Variants in MARCHF1 observed in about 807,000 individuals in gnomAD.
The protein encoded by MARCHF1 is E3 ubiquitin-protein ligase MARCHF1.
Under a neutral mutation model 54.2 loss-of-function variants are expected in MARCHF1, and 40 were observed. The observed-to-expected ratio is 0.74, with a 90% CI of 0.57 to 0.96. The LOEUF (loss-of-function observed/expected upper bound fraction) is 0.96. Ranked by LOEUF, MARCHF1 falls within the 40% of genes least tolerant of loss-of-function variation. The pLI, the probability that MARCHF1 is intolerant of heterozygous loss-of-function variation, is 0.00. For missense variants in MARCHF1, 586 were observed against 656.5 expected (o/e 0.89, Z 1.17); for synonymous variants, 236 against 236.3 (o/e 1.00, Z 0.01).
chr4:163,636,635 AG>A lies in MARCHF1; in HGVS notation c.163-23243del, dbSNP rs1200933155. ...GGAAGAACATTCCATGCTCATGGGT[AG>A]GAAGAATCAATATTGTGAAAATGGC... is the stretch of plus-strand genomic sequence containing the variant. On this transcript the variant is annotated intron_variant, in intron 5 of 9. Transcript: ENST00000514618. Among the ~76,000 whole-genome samples, 13 of 152,102 alleles carry A rather than the reference AG, an allele frequency of 8.5e-5. No homozygotes were observed. The East Asian group carries it at 2.5e-3, about 29-fold the overall frequency.
chr4:163,722,363 G>A (rs575371815), intron 4 of MARCHF1, among the ~76,000 whole-genome samples: 3,750 of 152,196 alleles, frequency 0.025, 155 homozygotes, highest in African/African-American at 0.084. Context: ...TGAATCCTGA[G>A]TTCTAGTTTG....
chr4:164,156,537 T>C (rs1424212053), intron 1 of MARCHF1, among the ~76,000 whole-genome samples: 1 of 152,122 alleles, frequency 6.6e-6, no homozygotes, highest in Admixed American at 6.6e-5. Context: ...CATCCTCCTA[T>C]CTCAGCCTCC....
At chr4:164,182,263 A>C (rs1034087911) in intron 1 of MARCHF1, among the ~76,000 whole-genome samples, 5 of 152,000 alleles carry the variant, frequency 3.3e-5, no homozygotes, top group Non-Finnish European at 7.4e-5. Flanking sequence ...AGATAGAATA[A>C]TTTAGAAAAG....
chr4:164,189,142 G>T, intron 1 of MARCHF1: 1 of 611,682 alleles, frequency 1.6e-6, no homozygotes, highest in Non-Finnish European at 3.0e-6. Context: ...TCTGCGTGCA[G>T]AAGACTATGA....
At chr4:163,813,854 G>A (rs1380079839) in intron 4 of MARCHF1, among the ~76,000 whole-genome samples, 1 of 152,122 alleles carries the variant, frequency 6.6e-6, no homozygotes, top group African/African-American at 2.4e-5. Flanking sequence ...AAGAGTCTTG[G>A]AACATGTCTG....
intron 1 of MARCHF1, among the ~76,000 whole-genome samples, chr4:164,210,022 A>AT (rs1369128734): frequency 8.5e-5 from 13 of 152,176 alleles, no homozygotes; most frequent in African/African-American, 3.1e-4. Flanking sequence ...TGTTTTCTAC[A>AT]TTTTTTATGA....
chr4:163,645,637 C>T (rs536653261), intron 5 of MARCHF1, among the ~76,000 whole-genome samples: 13 of 152,146 alleles, frequency 8.5e-5, no homozygotes, highest in Admixed American at 3.3e-4. Flanking sequence ...AAGCAATGCA[C>T]GAACACAATG....
rs1383284863 is a variant in MARCHF1, at chr4:163,526,933, A to G, written c.*1815T>C. ...GTCAGCCACTACTAATATTTATACC[A>G]TCTTTCTCCTCATTTAAAGGTTTGT... On this transcript the variant is annotated 3_prime_UTR_variant, in exon 10 of 10. Transcript: ENST00000514618. 6.6e-6 allele frequency: 1 copy of G among 151,254 alleles called. No homozygotes were observed. Among genetic ancestry groups the G allele is most frequent in the Admixed American group, 6.6e-5 (1 of 15,148 alleles). The allele number at this position is 151,254 out of a possible 1,614,324, so 9.4% of individuals were successfully genotyped here.
intron 1 of MARCHF1, among the ~76,000 whole-genome samples, chr4:164,171,787 G>A (rs917811669): frequency 2.6e-5 from 4 of 152,124 alleles, no homozygotes; most frequent in African/African-American, 9.7e-5. Flanking sequence ...AAGGCATTCA[G>A]CCTTTTAAAC....
chr4:163,562,051 C>A (rs757275027), intron 8 of MARCHF1, among the ~76,000 whole-genome samples: 1 of 152,106 alleles, frequency 6.6e-6, no homozygotes, highest in Non-Finnish European at 1.5e-5. Flanking sequence ...AATTCCAGCA[C>A]TTTGGGAGGC....
chr4:164,217,985 T>C (rs979978270), intron 1 of MARCHF1, among the ~76,000 whole-genome samples: 3 of 152,068 alleles, frequency 2.0e-5, no homozygotes, highest in Admixed American at 6.6e-5. Context: ...GGGAAGTATT[T>C]CATCATAAAG....
At chr4:164,382,794 G>A (rs144236977) in intron 1 of MARCHF1, among the ~76,000 whole-genome samples, 241 of 152,288 alleles carry the variant, frequency 1.6e-3, no homozygotes, top group African/African-American at 5.6e-3. Flanking sequence ...AGCACTTATA[G>A]GCGAGACAAC....
intron 2 of MARCHF1, among the ~76,000 whole-genome samples, chr4:164,038,471 C>A (rs147288289): frequency 6.6e-6 from 1 of 152,116 alleles, no homozygotes; most frequent in Non-Finnish European, 1.5e-5. Flanking sequence ...CCCGCCTGGG[C>A]GACAGAGCCA....
Position 163,997,954 on chromosome 4 carries a change from A to T in MARCHF1, c.-247-9245T>A, listed in dbSNP as rs940802867. Among the ~76,000 whole-genome samples the T allele has an allele frequency of 2.1e-5, 3 of 142,254 alleles. No homozygotes were observed. In the Admixed American group the frequency reaches 2.1e-4, roughly 10 times the overall value. The allele number at this position is 142,254 out of a possible 152,430, so 93.3% of individuals were successfully genotyped here. On this transcript the variant is annotated intron_variant, in intron 2 of 9. Transcript: ENST00000514618. Reference sequence around the variant, plus strand: ...CACACACACACACACACACACACACACACGTAGATTCTACATGCAAAATGT... The same window carrying T: ...CACACACACACACACACACACACACTCACGTAGATTCTACATGCAAAATGT...
chr4:163,636,014 T>C (rs1303322569), intron 5 of MARCHF1, among the ~76,000 whole-genome samples: 1 of 152,152 alleles, frequency 6.6e-6, no homozygotes, highest in African/African-American at 2.4e-5. Flanking sequence ...TCTCAATAGA[T>C]GCAGAAAAGG....
At chr4:163,589,081 A>AC (rs1177551787) in intron 7 of MARCHF1, among the ~76,000 whole-genome samples, 4 of 151,646 alleles carry the variant, frequency 2.6e-5, no homozygotes, top group Admixed American at 1.3e-4. Flanking sequence ...AAAAAAAAAA[A>AC]AAAAACTGCA....
At chr4:164,146,359 C>G (rs577383484) in intron 1 of MARCHF1, among the ~76,000 whole-genome samples, 2 of 150,806 alleles carry the variant, frequency 1.3e-5, no homozygotes, top group South Asian at 4.2e-4. Flanking sequence ...GAGCCTGCAT[C>G]GCCAAGTCAA....
At chr4:163,792,996 A>G (rs560716899) in intron 4 of MARCHF1, among the ~76,000 whole-genome samples, 1 of 152,348 alleles carries the variant, frequency 6.6e-6, no homozygotes, top group African/African-American at 2.4e-5. Context: ...CTTCCTTTCC[A>G]GAGTCCTTGG....
intron 5 of MARCHF1, among the ~76,000 whole-genome samples, chr4:163,618,158 A>C (rs1741573817): frequency 6.6e-6 from 1 of 152,148 alleles, no homozygotes; most frequent in African/African-American, 2.4e-5. Flanking sequence ...TCATTTGTAC[A>C]TGTTCCGCTT....
Sources: allele counts gnomAD v4.1 joint callset (sites outside exome capture counted in the v4.1 genomes callset), GRCh38; gene constraint gnomAD v4.1.1; transcripts MANE v1.5; gene names NCBI Gene and HGNC (gene_info 2026-07-23, HGNC 2026-07-21).